The following TMEM184B variants were observed in gnomAD, a reference collection of about 807,000 sequenced individuals.
TMEM184B encodes the protein transmembrane protein 184B, also known as putative MAPK-activating protein FM08.
A neutral mutation model predicts 41.8 loss-of-function variants in TMEM184B; 17 were observed. The observed-to-expected ratio is 0.41, with a 90% CI of 0.28 to 0.61. TMEM184B has a LOEUF of 0.61. TMEM184B is among the 20% of genes least tolerant of loss of function. The pLI is 0.34. For synonymous variants in TMEM184B, 240 were observed against 229.5 expected (o/e 1.05, Z -0.41); for missense variants, 393 against 557.8 (o/e 0.70, Z 2.98).
rs1172366078 is a variant in TMEM184B at position 38,219,966 on chromosome 22, G to A, written c.*1503C>T. On this transcript the variant is annotated 3_prime_UTR_variant, in exon 9 of 9. Transcript: ENST00000361906. Reference sequence around the variant, plus strand: ...CCCAACTCTCCTCACAGGTGGCAGGGAGGGAACCTGTTCATTCCAGGAAGG... The same window carrying A: ...CCCAACTCTCCTCACAGGTGGCAGGAAGGGAACCTGTTCATTCCAGGAAGG... 1 of 985,368 alleles carries A rather than the reference G, an allele frequency of 1.0e-6. No homozygotes were observed. Among genetic ancestry groups the A allele is most frequent in the Non-Finnish European group, 1.2e-6 (1 of 829,968 alleles). 61.0% of individuals were successfully genotyped at this position (985,368 alleles called of 1,614,324 possible). A position where few individuals can be genotyped will look rare whatever the true frequency, so the allele number is the denominator to read the frequency against.
At position 38,225,572 on chromosome 22, in the gene TMEM184B, G is replaced by A. The variant is rs768367018; in HGVS notation, c.639C>T (p.Tyr213=). Residue 213 remains tyrosine, a synonymous_variant, in exon 7 of 9, where the codon TAC becomes TAT. Transcript: ENST00000361906. This position sits in a 1 kb window ranked among gnomAD's most constrained non-coding sequence, Gnocchi z 4.4. The stretch of plus-strand genomic sequence containing the variant: ...CGGAGATGTTGTAGATGATGGTCAC[G>A]TAGAGGTAGCCACTGGTGACGCTGC... ...GDFDVTSGYL[Y]VTIIYNISVS... is the part of the protein sequence containing the mutation. 3.4e-5 allele frequency: 54 copies of A among 1,606,264 alleles called. No individual in the cohort carries two copies. The highest frequency in any genetic ancestry group is 1.0e-4 in the South Asian group (9 of 90,258).
rs757214027 is a variant in TMEM184B, at chr22:38,246,852, C to CATG, written c.193-755_193-753dup. 12 of 1,302,980 alleles carry CATG rather than the reference C, an allele frequency of 9.2e-6. No individual in the cohort carries two copies. The South Asian group carries it at 1.4e-4, about 15-fold the overall frequency. 80.7% of individuals were successfully genotyped at this position (1,302,980 alleles called of 1,614,324 possible). A position where few individuals can be genotyped will look rare whatever the true frequency, so the allele number is the denominator to read the frequency against. On this transcript the variant is annotated intron_variant, in intron 2 of 8. Coordinates refer to ENST00000361906, the MANE Select transcript of TMEM184B (RefSeq NM_012264.5). ...CCCCTGGGTGTCTCGTCCCAGCTCT[C>CATG]ATGACATCACACTTGGCCCAGCCGA...
intron 1 of TMEM184B, among the ~76,000 whole-genome samples, chr22:38,252,840 C>A (rs2092196955): frequency 1.3e-5 from 2 of 152,168 alleles, no homozygotes. Flanking sequence ...TTATAGAAGT[C>A]CCATTAATAA....
At chr22:38,245,895 A>AC in intron 3 of TMEM184B, 40 bp downstream of exon 3, 1 of 380,698 alleles carries the variant, frequency 2.6e-6, no homozygotes, top group Non-Finnish European at 4.6e-6. Context: ...CCAGCCCCCC[A>AC]GCCCCCCGCC....
chr22:38,243,108 G>A (rs1046580378), intron 3 of TMEM184B, among the ~76,000 whole-genome samples: 2 of 151,730 alleles, frequency 1.3e-5, no homozygotes, highest in South Asian at 4.2e-4. Context: ...CACTGCAGCT[G>A]CTGTACTGTT....
At chr22:38,236,556 T>C (rs2091778813) in intron 3 of TMEM184B, among the ~76,000 whole-genome samples, 2 of 152,012 alleles carry the variant, frequency 1.3e-5, no homozygotes, top group Non-Finnish European at 2.9e-5. Flanking sequence ...CGATCACGGC[T>C]CACCGCAGCC....
chr22:38,257,304 C>T (rs1026793914), intron 1 of TMEM184B, among the ~76,000 whole-genome samples: 12 of 152,140 alleles, frequency 7.9e-5, no homozygotes, highest in Non-Finnish European at 1.5e-4. Context: ...CCTTCCATTT[C>T]GTTTACAAAA....
chr22:38,236,152 A>G (rs1276297013), intron 3 of TMEM184B, among the ~76,000 whole-genome samples: 1 of 152,152 alleles, frequency 6.6e-6, no homozygotes, highest in African/African-American at 2.4e-5. Flanking sequence ...TGGAGACTGG[A>G]AAGTTGATGG....
intron 5 of TMEM184B, among the ~76,000 whole-genome samples, chr22:38,227,150 C>T (rs2091468868): frequency 6.6e-6 from 1 of 151,882 alleles, no homozygotes; most frequent in Non-Finnish European, 1.5e-5. Context: ...GAGATGCAGC[C>T]AGCGCAATGC....
chr22:38,259,667 G>A (rs533321053), intron 1 of TMEM184B, among the ~76,000 whole-genome samples: 50 of 152,338 alleles, frequency 3.3e-4, no homozygotes, highest in Admixed American at 5.9e-4. Context: ...CCAACACCTC[G>A]ATTTTAGTCC....
chr22:38,220,445 C>A lies in TMEM184B; in HGVS notation c.*1024G>T. ...ACACCAGGCCCTGTGTGGATAGGGG[C>A]CCCGAGAGGAGTCTGGGACCATTCC... On this transcript the variant is annotated 3_prime_UTR_variant, in exon 9 of 9. Coordinates refer to ENST00000361906, the MANE Select transcript of TMEM184B (RefSeq NM_012264.5). 5 of 985,842 alleles carry A rather than the reference C, an allele frequency of 5.1e-6. No homozygotes were observed. The highest frequency in any genetic ancestry group is 6.0e-6 in the Non-Finnish European group (5 of 829,964). The allele number at this position is 985,842 out of a possible 1,614,324, so 61.1% of individuals were successfully genotyped here.
intron 3 of TMEM184B, chr22:38,232,011 T>C (rs975722970): frequency 6.3e-6 from 1 of 157,516 alleles, no homozygotes; most frequent in Admixed American, 6.0e-5. Context: ...AATGTATTTA[T>C]AAATAAATAT....
chr22:38,220,256 G>C lies in TMEM184B; in HGVS notation c.*1213C>G, dbSNP rs551260688. On this transcript the variant is annotated 3_prime_UTR_variant, in exon 9 of 9. Transcript: ENST00000361906. Reference sequence around the variant, plus strand: ...GCTTGGTGGTCCTGACCACTCCTGAGGCCTGTCCAAGGGCTCTGGGCCCAG... The same window carrying C: ...GCTTGGTGGTCCTGACCACTCCTGACGCCTGTCCAAGGGCTCTGGGCCCAG... The C allele has an allele frequency of 1.0e-6, 1 of 986,012 alleles. No homozygotes were observed. The highest frequency in any genetic ancestry group is 1.1e-4 in the East Asian group (1 of 8,814). 61.1% of individuals were successfully genotyped at this position (986,012 alleles called of 1,614,324 possible).
intron 3 of TMEM184B, among the ~76,000 whole-genome samples, chr22:38,234,838 C>T (rs1416589639): frequency 6.6e-6 from 1 of 152,182 alleles, no homozygotes; most frequent in African/African-American, 2.4e-5. Context: ...ACTGTGGTCC[C>T]ACCTCTTAGG....
At chr22:38,233,822 T>C (rs1311235563) in intron 3 of TMEM184B, among the ~76,000 whole-genome samples, 1 of 152,124 alleles carries the variant, frequency 6.6e-6, no homozygotes, top group Non-Finnish European at 1.5e-5. Context: ...TAGGCTGGAG[T>C]GCAGTGGCAC....
chr22:38,242,802 A>G (rs1197548092), intron 3 of TMEM184B, among the ~76,000 whole-genome samples: 2 of 152,106 alleles, frequency 1.3e-5, no homozygotes, highest in Non-Finnish European at 2.9e-5. Context: ...GGTGGCTCAC[A>G]TCTGTAATCC....
intron 3 of TMEM184B, among the ~76,000 whole-genome samples, chr22:38,242,331 A>C (rs1331306819): frequency 6.6e-6 from 1 of 151,348 alleles, no homozygotes; most frequent in Non-Finnish European, 1.5e-5. Context: ...AAAAAAAATT[A>C]GCCGGGCGTG....
chr22:38,252,334 T>C (rs1345451292), intron 1 of TMEM184B, among the ~76,000 whole-genome samples: 1 of 152,222 alleles, frequency 6.6e-6, no homozygotes, highest in Non-Finnish European at 1.5e-5. Context: ...GTGCTGGGAT[T>C]ACAGGCGAGA....
chr22:38,267,368 TCAA>T (rs2092458245), intron 1 of TMEM184B, among the ~76,000 whole-genome samples: 1 of 151,402 alleles, frequency 6.6e-6, no homozygotes, highest in African/African-American at 2.4e-5. Flanking sequence ...CCAGCCAGAC[TCAA>T]GGCTGTTTAG....
Sources: allele counts gnomAD v4.1 joint callset (sites outside exome capture counted in the v4.1 genomes callset), GRCh38; gene constraint gnomAD v4.1.1; non-coding constraint Gnocchi (gnomAD v3.1); transcripts MANE v1.5; gene names NCBI Gene and HGNC (gene_info 2026-07-23, HGNC 2026-07-21).